FLT3: variants seen among roughly 807,000 people sequenced by gnomAD.
FLT3 encodes fms related receptor tyrosine kinase 3.
In FLT3, 46 loss-of-function variants were observed where a neutral mutation model predicts 126.6. The observed-to-expected ratio is 0.36, with a 90% CI of 0.29 to 0.46. The LOEUF (loss-of-function observed/expected upper bound fraction) is 0.46, where lower values mean the gene tolerates loss of function less well. Among genes scored for constraint, FLT3 ranks in the 20% least tolerant of loss-of-function variants. FLT3 has a pLI of 1.00. For synonymous variants in FLT3, 404 were observed against 434.4 expected (o/e 0.93, Z 0.87); for missense variants, 1,069 against 1,190.3 (o/e 0.90, Z 1.50).
At chr13:28,025,601 CA>C (rs1395415651) in intron 17 of FLT3, among the ~76,000 whole-genome samples, 4 of 152,034 alleles carry the variant, frequency 2.6e-5, no homozygotes, top group African/African-American at 9.7e-5. Flanking sequence ...ACAAATATTC[CA>C]AAAGGAATAA....
intron 3 of FLT3, among the ~76,000 whole-genome samples, chr13:28,058,211 AAAAAAAAAC>A (rs1405281953): frequency 7.8e-5 from 7 of 90,212 alleles, no homozygotes; most frequent in Non-Finnish European, 1.5e-4. Flanking sequence ...AAAAATTAAA[AAAAAAAAAC>A]AAAAAAAAAA....
In FLT3 at chr13:28,034,112, A is replaced by T; in HGVS notation, c.1807T>A (p.Trp603Arg). 6.2e-7 allele frequency: 1 copy of T among 1,614,046 alleles called. No homozygotes were observed. The highest frequency in any genetic ancestry group is 8.5e-7 in the Non-Finnish European group (1 of 1,179,940). ...TCTAAATTTTCTCTTGGAAACTCCCATTTGAGATCATATTCATATTCTCTG... is the reference window on the plus strand; with the variant it reads ...TCTAAATTTTCTCTTGGAAACTCCCTTTTGAGATCATATTCATATTCTCTG... ...DFREYEYDLK[W>R]EFPRENLEFG... Residue 603 changes from tryptophan to arginine, a missense_variant, in exon 14 of 24, where the codon TGG becomes AGG. Trp to Arg is a moderately radical substitution (Grantham distance 101). Coordinates refer to ENST00000241453, the MANE Select transcript of FLT3 (RefSeq NM_004119.3).
chr13:28,071,414 C>G (rs140511859), intron 1 of FLT3, among the ~76,000 whole-genome samples: 2 of 152,206 alleles, frequency 1.3e-5, no homozygotes, highest in East Asian at 3.9e-4. Context: ...CTATTTTCAT[C>G]CATTGTGCTG....
At chr13:28,032,605 G>A (rs1010630385) in intron 15 of FLT3, among the ~76,000 whole-genome samples, 1 of 152,154 alleles carries the variant, frequency 6.6e-6, no homozygotes, top group African/African-American at 2.4e-5. Flanking sequence ...GCAAGGCTGT[G>A]TTTCAAAATC....
chr13:28,036,352 TCCTCCTTGCCATGCAA>T (rs952147563), intron 10 of FLT3, among the ~76,000 whole-genome samples: 49 of 152,248 alleles, frequency 3.2e-4, no homozygotes, highest in Middle Eastern at 3.4e-3. Context: ...ATTTCTTCTT[TCCTCCTTGCCATGCAA>T]CCTCCTTGCC....
intron 10 of FLT3, among the ~76,000 whole-genome samples, chr13:28,036,404 T>G (rs1291661196): frequency 2.0e-5 from 3 of 152,098 alleles, no homozygotes; most frequent in Admixed American, 6.6e-5. Context: ...TACACACCAT[T>G]TTTCCATTGC....
At chr13:28,090,953 C>T (rs562519288) in intron 1 of FLT3, among the ~76,000 whole-genome samples, 2 of 152,132 alleles carry the variant, frequency 1.3e-5, no homozygotes, top group African/African-American at 4.8e-5. Flanking sequence ...AAGTGGTACA[C>T]TTTGAAGGGA....
At chr13:28,008,207 C>T (rs1871076374) in intron 23 of FLT3, among the ~76,000 whole-genome samples, 1 of 132,530 alleles carries the variant, frequency 7.5e-6, no homozygotes, top group African/African-American at 2.9e-5. Context: ...AAAAAGTACT[C>T]AGGAAGCTGA....
At chr13:28,061,283 G>A (rs1180044778) in intron 3 of FLT3, among the ~76,000 whole-genome samples, 1 of 151,982 alleles carries the variant, frequency 6.6e-6, no homozygotes, top group Non-Finnish European at 1.5e-5. Context: ...TTTAACCTGG[G>A]AAACAGAAGT....
intron 17 of FLT3, 79 bp downstream of exon 17, chr13:28,027,009 T>C: frequency 7.9e-7 from 1 of 1,270,178 alleles, no homozygotes; most frequent in Non-Finnish European, 1.1e-6. Flanking sequence ...TAGAAACTGG[T>C]CAACGAAGTG....
chr13:28,011,772 CTTCT>C lies in FLT3; in HGVS notation c.2859+2676_2859+2679del, dbSNP rs1459806859. Among the ~76,000 whole-genome samples, 452 of 135,598 alleles carry C rather than the reference CTTCT, an allele frequency of 3.3e-3. 1 individual carries two copies. Among genetic ancestry groups the C allele is most frequent in the African/African-American group, 0.012 (426 of 36,240 alleles). 89.0% of individuals were successfully genotyped at this position (135,598 alleles called of 152,430 possible). A position where few individuals can be genotyped will look rare whatever the true frequency, so the allele number is the denominator to read the frequency against. Reference sequence around the variant, plus strand: ...TTCTCTCTTTCTCTTTCTTTCCTTCCTTCTTTCTCTCTTTCTTTCTCTTTTTCTT... The same window carrying C: ...TTCTCTCTTTCTCTTTCTTTCCTTCCTTCTCTCTTTCTTTCTCTTTTTCTT... On this transcript the variant is annotated intron_variant, in intron 23 of 23. Coordinates refer to ENST00000241453, the MANE Select transcript of FLT3 (RefSeq NM_004119.3).
chr13:28,055,193 G>A (rs1875899441), intron 4 of FLT3, among the ~76,000 whole-genome samples: 1 of 152,122 alleles, frequency 6.6e-6, no homozygotes, highest in African/African-American at 2.4e-5. Context: ...CCGAGATCAA[G>A]GGAGATAATT....
intron 19 of FLT3, among the ~76,000 whole-genome samples, chr13:28,020,502 C>T (rs9581958): frequency 0.16 from 23,905 of 152,060 alleles, 2,201 homozygotes; most frequent in Middle Eastern, 0.26. Context: ...CGTACACCAC[C>T]GTGCCTGGCT....
At chr13:28,032,192 G>A (rs1239990800) in intron 15 of FLT3, among the ~76,000 whole-genome samples, 1 of 152,172 alleles carries the variant, frequency 6.6e-6, no homozygotes, top group East Asian at 1.9e-4. Flanking sequence ...CCAGGGTTAG[G>A]GGAATTCACC....
rs927446002 is a variant in FLT3 at position 28,073,594 on chromosome 13, A to G, written c.44-2982T>C. 1.1e-4 allele frequency among the ~76,000 whole-genome samples: 17 copies of G among 152,072 alleles called. 1 individual carries two copies. Among genetic ancestry groups the G allele is most frequent in the Admixed American group, 3.3e-4 (5 of 15,252 alleles). On this transcript the variant is annotated intron_variant, in intron 1 of 23. Coordinates refer to ENST00000241453, the MANE Select transcript of FLT3 (RefSeq NM_004119.3). Reference sequence around the variant, plus strand: ...AAATCGTGCACATTAAAAGTATACAATTTAGTAAATTCATACATATCTGCA... The same window carrying G: ...AAATCGTGCACATTAAAAGTATACAGTTTAGTAAATTCATACATATCTGCA...
intron 1 of FLT3, among the ~76,000 whole-genome samples, chr13:28,084,851 T>C (rs1878551947): frequency 1.3e-5 from 2 of 151,730 alleles, no homozygotes; most frequent in Admixed American, 6.6e-5. Flanking sequence ...GGCGGGCGCC[T>C]GTAGTCCCAG....
chr13:28,048,125 C>T (rs1875068478), intron 9 of FLT3, 150 bp downstream of exon 9: 2 of 629,398 alleles, frequency 3.2e-6, no homozygotes, highest in Non-Finnish European at 5.6e-6. Context: ...CTCACATCTG[C>T]TTATTGTTTT....
At chr13:28,009,276 C>G (rs1871172264) in intron 23 of FLT3, 2 of 152,182 alleles carry the variant, frequency 1.3e-5, no homozygotes. Context: ...TCTATCTCAC[C>G]CATATCGTTC....
At chr13:28,015,407 G>C (rs971066859) in intron 21 of FLT3, 151 bp from the exon 22 acceptor site, 2 of 729,242 alleles carry the variant, frequency 2.7e-6, no homozygotes, top group Admixed American at 2.4e-5. Context: ...CACGGTTCAC[G>C]CTCTCAAGCA....
Sources: allele counts gnomAD v4.1 joint callset (sites outside exome capture counted in the v4.1 genomes callset), GRCh38; gene constraint gnomAD v4.1.1; transcripts MANE v1.5; gene names NCBI Gene and HGNC (gene_info 2026-07-23, HGNC 2026-07-21).